Variants in HNRNPD observed in about 807,000 individuals in gnomAD.
The protein encoded by HNRNPD is heterogeneous nuclear ribonucleoprotein D.
In HNRNPD, 3 loss-of-function variants were observed where a neutral mutation model predicts 47.9. The observed-to-expected ratio is 0.06, with a 90% confidence interval of 0.03 to 0.16. HNRNPD has a LOEUF of 0.16. Among genes scored for constraint, HNRNPD ranks in the 10% least tolerant of loss-of-function variants. The pLI is 1.00. For synonymous variants in HNRNPD, 171 were observed against 165.1 expected (o/e 1.04, Z -0.28); for missense variants, 287 against 454.2 (o/e 0.63, Z 3.35).
intron 2 of HNRNPD, among the ~76,000 whole-genome samples, chr4:82,363,754 T>G (rs1719607299): frequency 6.6e-6 from 1 of 152,204 alleles, no homozygotes; most frequent in African/African-American, 2.4e-5. Context: ...GTATTCAGTT[T>G]AAAACACCTA....
chr4:82,370,332 T>G (rs1217742902), intron 2 of HNRNPD, among the ~76,000 whole-genome samples: 1 of 152,224 alleles, frequency 6.6e-6, no homozygotes, highest in Non-Finnish European at 1.5e-5. Context: ...AACACTGACC[T>G]TCAAATTTAA....
At position 82,359,647 on chromosome 4, in the gene HNRNPD, G is replaced by A; in HGVS notation, c.291-8C>T. The A allele has an allele frequency of 6.6e-7, 1 of 1,518,240 alleles. No individual in the cohort carries two copies. The highest frequency in any genetic ancestry group is 8.9e-7 in the Non-Finnish European group (1 of 1,117,958). The allele number at this position is 1,518,240 out of a possible 1,614,324, so 94.0% of individuals were successfully genotyped here. A position where few individuals can be genotyped will look rare whatever the true frequency, so the allele number is the denominator to read the frequency against. On this transcript the variant is annotated splice_polypyrimidine_tract_variant and splice_region_variant and intron_variant, in intron 2 of 8. Transcript: ENST00000313899. ...CCTCCTATAAACATTTTCCTGTAAA[G>A]ACAAAAAGCAGTATTAAAATGCTTA...
chr4:82,370,981 T>TATACACACACACACAC (rs142474751), intron 2 of HNRNPD, among the ~76,000 whole-genome samples: 41 of 149,462 alleles, frequency 2.7e-4, no homozygotes, highest in Middle Eastern at 3.4e-3. Flanking sequence ...GGTATATATA[T>TATACACACACACACAC]ACACACACAC....
chr4:82,373,618 C>T lies in HNRNPD; in HGVS notation c.61G>A (p.Gly21Ser), dbSNP rs1720252221. 4 of 1,527,472 alleles carry T rather than the reference C, an allele frequency of 2.6e-6. No homozygotes were observed. The highest frequency in any genetic ancestry group is 5.0e-5 in the East Asian group (2 of 39,614). 94.6% of individuals were successfully genotyped at this position (1,527,472 alleles called of 1,614,324 possible). The change falls in exon 1 of 9, where the codon GGC (glycine) becomes AGC (serine). Residue 21 changes from glycine to serine, a missense_variant. Transcript: ENST00000313899. Reference protein sequence around the residue: ...AAAAATAAVGGSAGEQEGAMV... With the variant: ...AAAAATAAVGSSAGEQEGAMV... ...GCTCCCTCCTGCTCGCCCGCCGAGC[C>T]GCCTACCGCCGCCGTTGCCGCTGCC...
At chr4:82,370,083 G>A (rs1439899168) in intron 2 of HNRNPD, among the ~76,000 whole-genome samples, 2 of 152,114 alleles carry the variant, frequency 1.3e-5, no homozygotes, top group African/African-American at 2.4e-5. Context: ...TGGAGGTTGC[G>A]CTGAGCCAAG....
intron 2 of HNRNPD, among the ~76,000 whole-genome samples, chr4:82,367,986 A>T (rs932707292): frequency 2.0e-5 from 3 of 152,226 alleles, no homozygotes; most frequent in Non-Finnish European, 2.9e-5. Flanking sequence ...GAAGCAACAG[A>T]AAGAGATCCC....
intron 2 of HNRNPD, among the ~76,000 whole-genome samples, chr4:82,370,979 T>TACACACACACACAC (rs72155104): frequency 5.4e-4 from 42 of 78,304 alleles, no homozygotes; most frequent in African/African-American, 1.2e-3. Context: ...ATGGTATATA[T>TACACACACACACAC]ATACACACAC....
intron 2 of HNRNPD, among the ~76,000 whole-genome samples, chr4:82,371,041 A>G (rs1209423229): frequency 6.6e-6 from 1 of 152,010 alleles, no homozygotes; most frequent in Non-Finnish European, 1.5e-5. Context: ...TATGCTAGGT[A>G]AAAGACAAAC....
chr4:82,355,428 G>A (rs1043943782), intron 7 of HNRNPD, 27 bp from the exon 8 acceptor site: 9 of 1,524,210 alleles, frequency 5.9e-6, no homozygotes, highest in Admixed American at 3.4e-5. Flanking sequence ...GTTAGAACCA[G>A]AACGGTAGTG....
rs1332549542 is a variant in HNRNPD at position 82,373,898 on chromosome 4, C to T, written c.-220G>A. The stretch of plus-strand genomic sequence containing the variant: ...GCGCGGCGCACACTCCCGCTCTCTC[C>T]CGCTGCACTAAAAAAGAATAAGCAC... On this transcript the variant is annotated 5_prime_UTR_variant, in exon 1 of 9. Transcript: ENST00000313899. 1.4e-5 allele frequency: 15 copies of T among 1,082,860 alleles called. 1 individual carries two copies. Among genetic ancestry groups the T allele is most frequent in the South Asian group, 5.3e-5 (3 of 56,452 alleles). 67.1% of individuals were successfully genotyped at this position (1,082,860 alleles called of 1,614,324 possible).
chr4:82,373,342 C>T (rs904931025), intron 1 of HNRNPD, 104 bp downstream of exon 1: 56 of 1,431,546 alleles, frequency 3.9e-5, no homozygotes, highest in Non-Finnish European at 5.1e-5. Context: ...TGCATGGGGG[C>T]CCGGAGAACG....
At chr4:82,369,658 G>A (rs1272990441) in intron 2 of HNRNPD, among the ~76,000 whole-genome samples, 1 of 150,868 alleles carries the variant, frequency 6.6e-6, no homozygotes, top group African/African-American at 2.4e-5. Flanking sequence ...GAAAGAGGAA[G>A]GGACAGATAC....
intron 7 of HNRNPD, chr4:82,356,228 T>C (rs1723706292): frequency 3.9e-6 from 1 of 253,236 alleles, no homozygotes; most frequent in African/African-American, 2.2e-5. Flanking sequence ...GATTATTGGT[T>C]GGTCCAAGAA....
intron 2 of HNRNPD, among the ~76,000 whole-genome samples, chr4:82,364,577 A>G (rs1406844219): frequency 1.3e-5 from 2 of 152,216 alleles, no homozygotes; most frequent in African/African-American, 2.4e-5. Flanking sequence ...AAAGGCCACA[A>G]TGAGTTTTAT....
At chr4:82,364,508 T>A (rs1193131586) in intron 2 of HNRNPD, among the ~76,000 whole-genome samples, 1 of 152,242 alleles carries the variant, frequency 6.6e-6, no homozygotes, top group South Asian at 2.1e-4. Context: ...TTTTATTTAC[T>A]CAATGGCTTA....
At chr4:82,354,178 G>T (rs1295806419) in intron 8 of HNRNPD, 24 bp from the exon 9 acceptor site, 1 of 152,368 alleles carries the variant, frequency 6.6e-6, no homozygotes, top group African/African-American at 2.4e-5. Context: ...AGAAAAAATA[G>T]AAGTCACTCT....
intron 1 of HNRNPD, chr4:82,373,087 AAG>A (rs780437206): frequency 8.0e-6 from 4 of 497,636 alleles, no homozygotes; most frequent in Non-Finnish European, 1.6e-5. Flanking sequence ...AAAAGGGAAA[AAG>A]AGGGGACAGC....
chr4:82,353,226 T>C lies in HNRNPD; in HGVS notation c.*959A>G, dbSNP rs1298432765. 1.3e-5 allele frequency: 2 copies of C among 152,304 alleles called. No homozygotes were observed. Among genetic ancestry groups the C allele is most frequent in the African/African-American group, 4.8e-5 (2 of 41,566 alleles). The allele number at this position is 152,304 out of a possible 1,614,324, so 9.4% of individuals were successfully genotyped here. A position where few individuals can be genotyped will look rare whatever the true frequency, so the allele number is the denominator to read the frequency against. On this transcript the variant is annotated 3_prime_UTR_variant, in exon 9 of 9. Coordinates refer to ENST00000313899, the MANE Select transcript of HNRNPD (RefSeq NM_031370.3). ...ACTCAAAAAGTTCCTTAGGCACACATACTAATAATCACAGTCCTGAAATTT... is the reference window on the plus strand; with the variant it reads ...ACTCAAAAAGTTCCTTAGGCACACACACTAATAATCACAGTCCTGAAATTT...
At position 82,357,447 on chromosome 4, in the gene HNRNPD, G is replaced by A; in HGVS notation, c.622-3C>T. The stretch of plus-strand genomic sequence containing the variant: ...ATGGGGAGCTCTATGGATTCCACCT[G>A]GTATTAAAAAACAAATTTTAATATG... On this transcript the variant is annotated splice_polypyrimidine_tract_variant and splice_region_variant and intron_variant, in intron 4 of 8. Transcript: ENST00000313899. The A allele has an allele frequency of 1.3e-6, 2 of 1,587,508 alleles. No homozygotes were observed. The highest frequency in any genetic ancestry group is 1.7e-6 in the Non-Finnish European group (2 of 1,172,252).
Sources: gnomAD v4.1 joint callset for allele counts (sites outside exome capture counted in the v4.1 genomes callset) on GRCh38, gnomAD v4.1.1 for gene constraint, MANE v1.5 for transcripts, NCBI Gene and HGNC (gene_info 2026-07-23, HGNC 2026-07-21) for gene names.